SGSM1: variants seen among roughly 807,000 people sequenced by gnomAD.
The protein encoded by SGSM1 is RUN and TBC1 domain containing 2.
A neutral mutation model predicts 133.8 loss-of-function variants in SGSM1; 73 were observed. The observed-to-expected ratio is 0.55, with a 90% CI of 0.45 to 0.66. The LOEUF (loss-of-function observed/expected upper bound fraction) is 0.66. SGSM1 is among the 30% of genes least tolerant of loss of function. The pLI is 0.00. For synonymous variants in SGSM1, 563 were observed against 573.0 expected, an observed-to-expected ratio of 0.98 and a Z score of 0.25; for missense variants, 1,213 against 1,448.1, an observed-to-expected ratio of 0.84 and a Z score of 2.64.
chr22:24,887,380 C>CT (rs1165201852), intron 16 of SGSM1, among the ~76,000 whole-genome samples: 14 of 152,088 alleles, frequency 9.2e-5, no homozygotes, highest in African/African-American at 1.9e-4. Context: ...TTGGGATTGA[C>CT]TTTTTTTCAC....
intron 17 of SGSM1, 89 bp downstream of exon 17, chr22:24,893,702 G>T (rs1932856659): frequency 7.5e-7 from 1 of 1,340,402 alleles, no homozygotes; most frequent in Admixed American, 3.2e-5. Context: ...TGAAGACTGG[G>T]TGTCTGGGGC....
At chr22:24,889,395 G>A (rs1351770690) in intron 16 of SGSM1, among the ~76,000 whole-genome samples, 3 of 149,914 alleles carry the variant, frequency 2.0e-5, no homozygotes, top group Admixed American at 6.7e-5. Context: ...GCTTTATCAC[G>A]TTATTAAATG....
chr22:24,858,503 G>A (rs1238974750), intron 8 of SGSM1, among the ~76,000 whole-genome samples: 4 of 152,022 alleles, frequency 2.6e-5, no homozygotes, highest in Non-Finnish European at 5.9e-5. Context: ...AGGCATGGTG[G>A]CAGGTGCCTG....
At chr22:24,819,245 C>T (rs1045573569) in intron 2 of SGSM1, among the ~76,000 whole-genome samples, 9 of 151,956 alleles carry the variant, frequency 5.9e-5, no homozygotes, top group Admixed American at 3.3e-4. Context: ...GTATGTTAGC[C>T]GCGAGTCACA....
chr22:24,825,173 A>C (rs1601894382), intron 2 of SGSM1, among the ~76,000 whole-genome samples: 1 of 152,318 alleles, frequency 6.6e-6, no homozygotes, highest in East Asian at 1.9e-4. Flanking sequence ...ACCTGGCAGA[A>C]GGCACCATGT....
chr22:24,886,474 C>T (rs1403847136), intron 15 of SGSM1, 126 bp from the exon 16 acceptor site: 17 of 1,251,682 alleles, frequency 1.4e-5, no homozygotes, highest in East Asian at 8.1e-5. Context: ...GAGGCCAAGG[C>T]GGGCAGATCA....
chr22:24,890,924 G>A (rs1191403881), intron 16 of SGSM1, among the ~76,000 whole-genome samples: 3 of 152,028 alleles, frequency 2.0e-5, no homozygotes, highest in Admixed American at 6.6e-5. Context: ...AAATTGACTC[G>A]CTTAAGATTT....
intron 23 of SGSM1, 94 bp downstream of exon 23, chr22:24,917,848 A>G: frequency 1.0e-6 from 1 of 985,674 alleles, no homozygotes; most frequent in South Asian, 1.6e-5. Flanking sequence ...AGGGGTTGGC[A>G]ACAGAGGCAG....
At position 24,821,960 on chromosome 22, in the gene SGSM1, A is replaced by G. The variant is rs1166789989; in HGVS notation, c.63+15476A>G. Among the ~76,000 whole-genome samples the G allele has an allele frequency of 4.0e-5, 6 of 151,458 alleles. 1 individual carries two copies. The stretch of plus-strand genomic sequence containing the variant: ...GAGTCTGCAGTTGACATCGGGGTTC[A>G]CTCTTGGTGCTGTGCGTTGTGTAGG... On this transcript the variant is annotated intron_variant, in intron 2 of 24. Coordinates refer to ENST00000400358, the MANE Select transcript of SGSM1 (RefSeq NM_001098497.3).
At chr22:24,900,399 C>A (rs1933107861) in intron 19 of SGSM1, among the ~76,000 whole-genome samples, 1 of 65,546 alleles carries the variant, frequency 1.5e-5, no homozygotes, top group African/African-American at 4.8e-5. Context: ...TTCTTTCTTT[C>A]TTTCTTTCTG....
intron 12 of SGSM1, chr22:24,874,424 A>G: frequency 6.2e-7 from 1 of 1,605,970 alleles, no homozygotes; most frequent in Non-Finnish European, 8.5e-7. Context: ...GTTGCCCCCG[A>G]CTTCTTGGGC....
At chr22:24,882,337 A>G (rs576319828) in intron 14 of SGSM1, among the ~76,000 whole-genome samples, 2 of 152,140 alleles carry the variant, frequency 1.3e-5, no homozygotes, top group South Asian at 4.1e-4. Flanking sequence ...CCCAAAGTGC[A>G]GGGACTACAG....
At position 24,868,746 on chromosome 22, in the gene SGSM1, C is replaced by G; in HGVS notation, c.1182C>G (p.Arg394=). The change falls in exon 12 of 25, where the codon CGC becomes CGG. Residue 394 remains arginine (R), a synonymous_variant. Transcript: ENST00000400358. ...RGKGKVFPKL[R]KRSPQGSAES... ...AGGGCAAAGTGTTTCCTAAACTGCG[C>G]AAGCGAAGCCCTCAGGGTTCTGCCG... 1 of 1,613,992 alleles carries G rather than the reference C, an allele frequency of 6.2e-7. No individual in the cohort carries two copies. The highest frequency in any genetic ancestry group is 1.7e-5 in the Admixed American group (1 of 60,024).
rs1446400241 is a variant in SGSM1 at position 24,917,699 on chromosome 22, G to A, written c.2970G>A (p.Gly990=). Reference sequence around the variant, plus strand: ...TGTTTGAGCTGATGCATCAGAACGGGGACTATACTCACTTCTACTTCTGCT... The same window carrying A: ...TGTTTGAGCTGATGCATCAGAACGGAGACTATACTCACTTCTACTTCTGCT... ...SELFELMHQN[G]DYTHFYFCYR... The change falls in exon 23 of 25, where the codon GGG becomes GGA. Residue 990 remains glycine, a synonymous_variant. Coordinates refer to ENST00000400358, the MANE Select transcript of SGSM1 (RefSeq NM_001098497.3). The A allele has an allele frequency of 8.1e-6, 13 of 1,613,878 alleles. No homozygotes were observed. The highest frequency in any genetic ancestry group is 1.3e-5 in the African/African-American group (1 of 74,898).
intron 8 of SGSM1, 119 bp downstream of exon 8, chr22:24,855,799 C>T (rs1016423346): frequency 2.1e-6 from 3 of 1,443,560 alleles, no homozygotes; most frequent in African/African-American, 2.8e-5. Flanking sequence ...CTCACCCATG[C>T]ACACATCCAC....
In SGSM1 at chr22:24,878,101, G is replaced by A. The variant is rs186645928; in HGVS notation, c.1431-1361G>A. Among the ~76,000 whole-genome samples, 281 of 152,168 alleles carry A rather than the reference G, an allele frequency of 1.8e-3. 1 individual carries two copies. The highest frequency in any genetic ancestry group is 3.4e-3 in the Non-Finnish European group (230 of 67,988). On this transcript the variant is annotated intron_variant, in intron 13 of 24. Transcript: ENST00000400358. ...GCTGGGATTACAGGCATGAGCCACCGCGCCCCGCCTGGAGATTCTCTTATC... is the reference window on the plus strand; with the variant it reads ...GCTGGGATTACAGGCATGAGCCACCACGCCCCGCCTGGAGATTCTCTTATC...
intron 19 of SGSM1, among the ~76,000 whole-genome samples, chr22:24,899,628 T>C (rs940567247): frequency 6.6e-6 from 1 of 151,666 alleles, no homozygotes; most frequent in Non-Finnish European, 1.5e-5. Context: ...ATTCATGCCA[T>C]TCTCTTGCCT....
At chr22:24,867,342 A>C (rs2147872766) in intron 10 of SGSM1, among the ~76,000 whole-genome samples, 182 bp downstream of exon 10, 1 of 152,262 alleles carries the variant, frequency 6.6e-6, no homozygotes, top group South Asian at 2.1e-4. Context: ...GTAACATGGG[A>C]ATTATAACAG....
chr22:24,855,511 C>G, intron 7 of SGSM1, 38 bp from the exon 8 acceptor site: 1 of 1,613,472 alleles, frequency 6.2e-7, no homozygotes, highest in South Asian at 1.1e-5. Context: ...AAAATCACCC[C>G]AGGCCTCATC....
Sources: allele counts gnomAD v4.1 joint callset (sites outside exome capture counted in the v4.1 genomes callset), GRCh38; gene constraint gnomAD v4.1.1; transcripts MANE v1.5; gene names NCBI Gene and HGNC (gene_info 2026-07-23, HGNC 2026-07-21).